Variants in SLC68A1 observed in about 807,000 individuals in gnomAD.
SLC68A1 encodes major facilitator superfamily domain containing 13A.
chr10:102,476,042 G>GTTGTT, the SLC68A1 span: 1 of 958,160 alleles, frequency 1.0e-6, no homozygotes, highest in Non-Finnish European at 1.3e-6. Context: ...GAAGGAGCCA[G>GTTGTT]TTTTTTTTGG....
the SLC68A1 span, among the ~76,000 whole-genome samples, chr10:102,467,899 C>G: frequency 1.1e-4 from 17 of 152,170 alleles, no homozygotes; most frequent in African/African-American, 4.1e-4. Context: ...CTCAGGTGAT[C>G]CGCCTACCCC....
chr10:102,471,209 G>A, the SLC68A1 span: 1 of 1,601,804 alleles, frequency 6.2e-7, no homozygotes, highest in African/African-American at 1.3e-5. Flanking sequence ...GGGCTGCCCT[G>A]GGATGTGTTG....
At chr10:102,475,782 A>G in the SLC68A1 span, 1 of 1,613,880 alleles carries the variant, frequency 6.2e-7, no homozygotes, top group Non-Finnish European at 8.5e-7. Context: ...CCCTGGCCAG[A>G]GCCCCCAGCT....
the SLC68A1 span, chr10:102,475,868 C>A: frequency 2.1e-4 from 333 of 1,613,954 alleles, no homozygotes; most frequent in African/African-American, 3.8e-3. Flanking sequence ...CACCTGTGCT[C>A]TGCTGCAGCT....
At chr10:102,475,817 C>T in the SLC68A1 span, 1 of 1,614,092 alleles carries the variant, frequency 6.2e-7, no homozygotes, top group Non-Finnish European at 8.5e-7. Context: ...GGCCCCGACG[C>T]TCCGCCAGGG....
At chr10:102,471,400 T>G in the SLC68A1 span, 1 of 1,609,134 alleles carries the variant, frequency 6.2e-7, no homozygotes, top group African/African-American at 1.3e-5. Flanking sequence ...GGTGCAGGTA[T>G]GGGGAGCAGC....
chr10:102,462,602 C>T, the SLC68A1 span, among the ~76,000 whole-genome samples: 16 of 152,252 alleles, frequency 1.1e-4, no homozygotes, highest in East Asian at 3.1e-3. Context: ...CTAGTCTTTA[C>T]CTACCAGGGG....
the SLC68A1 span, chr10:102,473,702 GC>G: frequency 6.2e-7 from 1 of 1,614,016 alleles, no homozygotes; most frequent in Non-Finnish European, 8.5e-7. Flanking sequence ...TTGTTGGCCG[GC>G]CCGGACCACC....
the SLC68A1 span, chr10:102,476,050 T>C: frequency 7.5e-7 from 1 of 1,337,932 alleles, no homozygotes; most frequent in Non-Finnish European, 9.6e-7. Context: ...CAGTTTTTTT[T>C]GGTTTTTTTT....
At chr10:102,475,644 C>T in the SLC68A1 span, 4 of 1,490,168 alleles carry the variant, frequency 2.7e-6, no homozygotes, top group African/African-American at 2.8e-5. Flanking sequence ...TCTGAGATGT[C>T]ACACCATAGA....
chr10:102,473,358 TC>T, the SLC68A1 span, among the ~76,000 whole-genome samples: 6 of 152,198 alleles, frequency 3.9e-5, no homozygotes, highest in Admixed American at 3.9e-4. Context: ...GGTTAGTTCA[TC>T]TTTTTGGGCC....
the SLC68A1 span, chr10:102,471,094 C>G: frequency 1.2e-6 from 2 of 1,613,862 alleles, no homozygotes; most frequent in East Asian, 4.5e-5. Context: ...ACCCAGGGTG[C>G]TCAGGCCTGG....
chr10:102,467,287 T>C, the SLC68A1 span, among the ~76,000 whole-genome samples: 1 of 152,140 alleles, frequency 6.6e-6, no homozygotes, highest in Non-Finnish European at 1.5e-5. Context: ...CTGCCCACCT[T>C]GGCCTCCCAA....
chr10:102,473,939 G>A, the SLC68A1 span: 6 of 1,613,342 alleles, frequency 3.7e-6, no homozygotes, highest in Non-Finnish European at 5.1e-6. Flanking sequence ...TCTTTGGCAT[G>A]GTTGCCTTGG....
At chr10:102,471,039 G>A in the SLC68A1 span, 2 of 1,613,664 alleles carry the variant, frequency 1.2e-6, no homozygotes, top group Non-Finnish European at 1.7e-6. Context: ...GGCTTTCTGG[G>A]GGCCACACAG....
At chr10:102,470,224 G>A in the SLC68A1 span, 3 of 762,636 alleles carry the variant, frequency 3.9e-6, no homozygotes, top group East Asian at 8.1e-5. Flanking sequence ...GGTCCAGGGT[G>A]CTCTGTTTGG....
At chr10:102,470,101 A>C in the SLC68A1 span, 1 of 1,606,842 alleles carries the variant, frequency 6.2e-7, no homozygotes. Context: ...ACAGCTCGTA[A>C]TTGGTTCAGT....
At chr10:102,473,568 A>G in the SLC68A1 span, 1 of 1,595,192 alleles carries the variant, frequency 6.3e-7, no homozygotes, top group Non-Finnish European at 8.6e-7. Context: ...CTTCCTCCCC[A>G]GGCCTCTCCT....
the SLC68A1 span, chr10:102,470,596 T>C: frequency 6.4e-7 from 1 of 1,556,422 alleles, no homozygotes; most frequent in Non-Finnish European, 8.7e-7. Flanking sequence ...CCCTGGGGCC[T>C]GGGCAAGGGG....
Sources: allele counts gnomAD v4.1 joint callset (sites outside exome capture counted in the v4.1 genomes callset), GRCh38; gene constraint gnomAD v4.1.1; transcripts MANE v1.5; gene names NCBI Gene and HGNC (gene_info 2026-07-23, HGNC 2026-07-21).